The following CDK14 variants were observed in gnomAD, a reference collection of about 807,000 sequenced individuals.
CDK14 encodes cyclin dependent kinase 14, also known as cyclin-dependent kinase 14.
In CDK14, 34 loss-of-function variants were observed where a neutral mutation model predicts 60.7. The ratio of observed to expected loss-of-function variants is 0.56; its 90% confidence interval spans 0.43 to 0.75. The LOEUF (loss-of-function observed/expected upper bound fraction) is 0.75. Among genes scored for constraint, CDK14 ranks in the 30% least tolerant of loss-of-function variants. CDK14 has a pLI of 0.00. For synonymous variants in CDK14, 197 were observed against 203.7 expected, an observed-to-expected ratio of 0.97 and a Z score of 0.28; for missense variants, 482 against 564.1, an observed-to-expected ratio of 0.85 and a Z score of 1.47.
At chr7:91,112,878 AC>A (rs1394104094) in intron 13 of CDK14, among the ~76,000 whole-genome samples, 197 bp downstream of exon 13, 1 of 140,158 alleles carries the variant, frequency 7.1e-6, no homozygotes, top group Non-Finnish European at 1.6e-5. Flanking sequence ...GAGAGAGAGA[AC>A]AGGGGAAGGG....
At chr7:90,599,214 T>C (rs954530803) in intron 1 of CDK14, among the ~76,000 whole-genome samples, 1 of 152,044 alleles carries the variant, frequency 6.6e-6, no homozygotes, top group Non-Finnish European at 1.5e-5. Context: ...ATGCATACCA[T>C]GTCTTGTGTG....
chr7:91,194,416 G>A (rs1245958837), intron 14 of CDK14, among the ~76,000 whole-genome samples: 1 of 151,976 alleles, frequency 6.6e-6, no homozygotes, highest in Non-Finnish European at 1.5e-5. Context: ...CAGCTTATTG[G>A]AGCTGATTGG....
At chr7:90,810,570 G>A (rs1789053866) in intron 5 of CDK14, among the ~76,000 whole-genome samples, 1 of 152,196 alleles carries the variant, frequency 6.6e-6, no homozygotes, top group Non-Finnish European at 1.5e-5. Flanking sequence ...ACAAGACAGG[G>A]ATGCCCTCTC....
intron 14 of CDK14, among the ~76,000 whole-genome samples, chr7:91,157,394 A>T (rs1335473128): frequency 6.6e-6 from 1 of 152,210 alleles, no homozygotes; most frequent in Non-Finnish European, 1.5e-5. Context: ...GTGTCCATGG[A>T]CAAGTGACTG....
intron 2 of CDK14, among the ~76,000 whole-genome samples, chr7:90,700,071 A>T (rs367713454): frequency 1.3e-5 from 2 of 152,124 alleles, no homozygotes; most frequent in East Asian, 3.9e-4. Flanking sequence ...TTTTCTTAAC[A>T]TAGGTGGAAA....
intron 2 of CDK14, among the ~76,000 whole-genome samples, chr7:90,645,527 C>T (rs905797253): frequency 1.1e-4 from 16 of 152,048 alleles, no homozygotes; most frequent in South Asian, 2.1e-4. Context: ...AGTTGGTTGA[C>T]GGTTTTTTTC....
At chr7:90,821,708 G>A (rs1333320770) in intron 5 of CDK14, among the ~76,000 whole-genome samples, 1 of 152,148 alleles carries the variant, frequency 6.6e-6, no homozygotes, top group Non-Finnish European at 1.5e-5. Flanking sequence ...TCCTGCTTAG[G>A]GACCTTTGGT....
intron 14 of CDK14, among the ~76,000 whole-genome samples, chr7:91,127,644 T>C (rs563194209): frequency 3.0e-4 from 45 of 152,318 alleles, no homozygotes; most frequent in Non-Finnish European, 5.9e-4. Context: ...TGTCCTATTT[T>C]GGTACAATGT....
At chr7:90,763,276 G>A (rs761714008) in intron 4 of CDK14, among the ~76,000 whole-genome samples, 10 of 152,100 alleles carry the variant, frequency 6.6e-5, no homozygotes, top group Non-Finnish European at 1.2e-4. Flanking sequence ...CTAAGGATTC[G>A]ATGATCTGAT....
intron 10 of CDK14, among the ~76,000 whole-genome samples, chr7:90,997,157 G>C (rs1432405553): frequency 6.6e-6 from 1 of 152,072 alleles, no homozygotes; most frequent in African/African-American, 2.4e-5. Context: ...AAACTTTCTG[G>C]TGTCTCTCTT....
At chr7:91,041,398 G>T (rs1797087008) in intron 10 of CDK14, among the ~76,000 whole-genome samples, 1 of 152,004 alleles carries the variant, frequency 6.6e-6, no homozygotes, top group African/African-American at 2.4e-5. Context: ...GCCCAATCTT[G>T]ACCTGCAGGC....
intron 12 of CDK14, among the ~76,000 whole-genome samples, chr7:91,108,034 G>A (rs564138483): frequency 6.6e-6 from 1 of 152,214 alleles, no homozygotes. Flanking sequence ...TTGTCCAGGC[G>A]CAGTGGCTCA....
intron 5 of CDK14, among the ~76,000 whole-genome samples, chr7:90,824,994 C>T (rs978270737): frequency 6.6e-6 from 1 of 152,128 alleles, no homozygotes; most frequent in Non-Finnish European, 1.5e-5. Flanking sequence ...CTCAGACAAG[C>T]AATTAAATTC....
chr7:90,802,874 T>G (rs1434879761), intron 5 of CDK14, among the ~76,000 whole-genome samples: 1 of 152,206 alleles, frequency 6.6e-6, no homozygotes, highest in Non-Finnish European at 1.5e-5. Flanking sequence ...ATCTCTTATG[T>G]CTTTGAGAAT....
At chr7:90,709,741 A>C (rs1801992859) in intron 2 of CDK14, 17 of 1,420,514 alleles carry the variant, frequency 1.2e-5, no homozygotes, top group Non-Finnish European at 1.4e-5. Context: ...TATTCCACTG[A>C]GATTAGCTTC....
At chr7:91,066,018 G>T (rs1797965785) in intron 11 of CDK14, among the ~76,000 whole-genome samples, 2 of 152,188 alleles carry the variant, frequency 1.3e-5, no homozygotes, top group Non-Finnish European at 1.5e-5. Context: ...ATCTCTACCA[G>T]ATGATGAAGC....
At chr7:90,974,486 G>A (rs577706655) in intron 9 of CDK14, among the ~76,000 whole-genome samples, 157 of 152,216 alleles carry the variant, frequency 1.0e-3, no homozygotes, top group African/African-American at 2.8e-3. Context: ...TTCTTCTGCC[G>A]TGGCTTCAGC....
rs758625920 is a variant in CDK14, at chr7:90,608,364, C to T, written c.123+4115C>T. 4.6e-5 allele frequency among the ~76,000 whole-genome samples: 7 copies of T among 152,092 alleles called. No homozygotes were observed. The East Asian group carries it at 9.6e-4, about 21-fold the overall frequency. ...TGTCCACCAATGTAAAATTACCACG[C>T]GTAAAACCTTTTGAACTTTGGAGAC... On this transcript the variant is annotated intron_variant, in intron 2 of 14. Coordinates refer to ENST00000380050, the MANE Select transcript of CDK14 (RefSeq NM_001287135.2).
chr7:90,746,685 A>G (rs1437318252), intron 3 of CDK14, among the ~76,000 whole-genome samples: 1 of 152,196 alleles, frequency 6.6e-6, no homozygotes, highest in African/African-American at 2.4e-5. Flanking sequence ...ATGGAGGACA[A>G]CACTCCCCTT....
Sources: allele counts gnomAD v4.1 joint callset (sites outside exome capture counted in the v4.1 genomes callset), GRCh38; gene constraint gnomAD v4.1.1; transcripts MANE v1.5; gene names NCBI Gene and HGNC (gene_info 2026-07-23, HGNC 2026-07-21).